FRMD4A: variants seen among roughly 807,000 people sequenced by gnomAD.
FRMD4A encodes FERM domain containing 4A.
A neutral mutation model predicts 129.1 loss-of-function variants in FRMD4A; 29 were observed. That is an observed-to-expected ratio of 0.22 (90% CI 0.17 to 0.31). The LOEUF is 0.31. Among genes scored for constraint, FRMD4A ranks in the 10% least tolerant of loss-of-function variants. The pLI is 1.00. For missense variants in FRMD4A, 1,272 were observed against 1,375.8 expected, an observed-to-expected ratio of 0.92 and a Z score of 1.19; for synonymous variants, 634 against 571.6, an observed-to-expected ratio of 1.11 and a Z score of -1.56.
At chr10:13,717,281 T>G (rs11258549) in intron 12 of FRMD4A, among the ~76,000 whole-genome samples, 1,755 of 152,304 alleles carry the variant, frequency 0.012, 69 homozygotes, top group South Asian at 0.11. Context: ...GGCCAAGGCA[T>G]CTCTTTCCAG....
chr10:14,176,124 G>C (rs893630272), intron 2 of FRMD4A, among the ~76,000 whole-genome samples: 2 of 152,154 alleles, frequency 1.3e-5, no homozygotes, highest in Admixed American at 1.3e-4. Context: ...ATAGTTGTAA[G>C]GCACCTAGTA....
chr10:14,262,244 C>A (rs1029837194), intron 2 of FRMD4A, among the ~76,000 whole-genome samples: 4 of 152,142 alleles, frequency 2.6e-5, no homozygotes, highest in African/African-American at 9.7e-5. Context: ...CTTTCCATTA[C>A]CTACTTAGCC....
At position 14,120,478 on chromosome 10, in the gene FRMD4A, C is replaced by A. The variant is rs148158349; in HGVS notation, c.45+209580G>T. On this transcript the variant is annotated intron_variant, in intron 2 of 24. Transcript: ENST00000357447. The stretch of plus-strand genomic sequence containing the variant: ...TACAGCAGCTGTTAGCAAATGTTTG[C>A]TGAATGAATAAATGAACACATGGAT... Among the ~76,000 whole-genome samples, 123 of 152,276 alleles carry A rather than the reference C, an allele frequency of 8.1e-4. 3 individuals are homozygous for A. In the South Asian group the frequency reaches 0.016, roughly 19 times the overall value.
At position 14,330,085 on chromosome 10, in the gene FRMD4A, C is replaced by G. The variant is rs1843457618; in HGVS notation, c.18G>C (p.Val6=). 1.3e-6 allele frequency: 2 copies of G among 1,553,322 alleles called. No individual in the cohort carries two copies. The highest frequency in any genetic ancestry group is 1.4e-5 in the African/African-American group (1 of 73,144). Residue 6 remains valine, a synonymous_variant, in exon 2 of 25, where the codon GTG becomes GTC. Transcript: ENST00000357447. The part of the protein sequence containing the change: MAVQL[V]PDSALGLLMM... Reference sequence around the variant, plus strand: ...TCAGCAGGCCGAGAGCTGAGTCGGGCACCAGCTGCACTGCCATGGTCTCCG... The same window carrying G: ...TCAGCAGGCCGAGAGCTGAGTCGGGGACCAGCTGCACTGCCATGGTCTCCG...
At chr10:14,270,862 G>C (rs1040055533) in intron 2 of FRMD4A, among the ~76,000 whole-genome samples, 1 of 152,206 alleles carries the variant, frequency 6.6e-6, no homozygotes, top group Non-Finnish European at 1.5e-5. Context: ...CACTTAGATA[G>C]ATGTGAACTA....
chr10:13,886,443 G>T (rs1263666278), intron 2 of FRMD4A, among the ~76,000 whole-genome samples: 1 of 152,178 alleles, frequency 6.6e-6, no homozygotes, highest in African/African-American at 2.4e-5. Flanking sequence ...GGACTTTAAG[G>T]TTGGTAATGC....
At chr10:14,140,956 A>C (rs553906839) in intron 2 of FRMD4A, among the ~76,000 whole-genome samples, 185 of 152,188 alleles carry the variant, frequency 1.2e-3, no homozygotes, top group African/African-American at 4.2e-3. Context: ...CCGGCCAGCA[A>C]TTGTAGAAGG....
chr10:13,991,969 T>G (rs1489695092), intron 2 of FRMD4A: 1 of 152,134 alleles, frequency 6.6e-6, no homozygotes, highest in African/African-American at 2.4e-5. Context: ...TTAGCTTGAG[T>G]TTCCTGGCAG....
chr10:13,779,699 G>A (rs2092688506), intron 6 of FRMD4A, among the ~76,000 whole-genome samples: 1 of 151,908 alleles, frequency 6.6e-6, no homozygotes, highest in Non-Finnish European at 1.5e-5. Context: ...GGAAATCCTA[G>A]GTTTAGTATT....
chr10:14,310,115 C>A (rs1236685549), intron 2 of FRMD4A, among the ~76,000 whole-genome samples: 2 of 152,238 alleles, frequency 1.3e-5, no homozygotes, highest in Admixed American at 1.3e-4. Flanking sequence ...GGATGTGGCC[C>A]TGCCTCCCCA....
chr10:13,765,122 T>G (rs1162582427), intron 6 of FRMD4A, among the ~76,000 whole-genome samples: 3 of 148,982 alleles, frequency 2.0e-5, no homozygotes, highest in African/African-American at 4.9e-5. Flanking sequence ...TTGTTTTTTT[T>G]TTTTTTTTTG....
intron 14 of FRMD4A, among the ~76,000 whole-genome samples, chr10:13,699,880 C>T (rs1372589334): frequency 1.3e-5 from 2 of 152,178 alleles, no homozygotes; most frequent in African/African-American, 2.4e-5. Flanking sequence ...TGCGCTAGGA[C>T]TAGGACCCAT....
intron 9 of FRMD4A, among the ~76,000 whole-genome samples, chr10:13,743,131 G>C (rs536638272): frequency 2.0e-4 from 31 of 152,204 alleles, no homozygotes; most frequent in Non-Finnish European, 3.8e-4. Flanking sequence ...ACTTCTGTGG[G>C]GTCTGGATAT....
intron 2 of FRMD4A, among the ~76,000 whole-genome samples, chr10:14,019,755 A>T (rs544555014): frequency 1.9e-4 from 29 of 152,368 alleles, no homozygotes; most frequent in African/African-American, 6.5e-4. Context: ...GAACGTGCCC[A>T]TGCAATGTCA....
chr10:14,228,570 G>T (rs1224867396), intron 2 of FRMD4A, among the ~76,000 whole-genome samples: 1 of 152,152 alleles, frequency 6.6e-6, no homozygotes, highest in Non-Finnish European at 1.5e-5. Flanking sequence ...AGAAAATCTT[G>T]TTTAGTTAGA....
At chr10:13,928,265 G>A (rs185383633) in intron 2 of FRMD4A, among the ~76,000 whole-genome samples, 18 of 151,874 alleles carry the variant, frequency 1.2e-4, no homozygotes, top group African/African-American at 3.1e-4. Flanking sequence ...CAAGCAATCC[G>A]CTCACCTCGG....
Position 13,956,151 on chromosome 10 carries a change from C to T in FRMD4A, c.46-97239G>A, listed in dbSNP as rs551212280. ...TGATTTAGGTAGAATTCTTTTTTTT[C>T]TTTTTTTCTTTTGTTTTTTTAGACA... On this transcript the variant is annotated intron_variant, in intron 2 of 24. Transcript: ENST00000357447. Among the ~76,000 whole-genome samples the T allele has an allele frequency of 2.4e-4, 36 of 152,030 alleles. No homozygotes were observed. The South Asian group carries it at 7.5e-3, about 32-fold the overall frequency.
rs1842383177 is a variant in FRMD4A at position 14,193,513 on chromosome 10, T to C, written c.45+136545A>G. Among the ~76,000 whole-genome samples, 3 of 142,264 alleles carry C rather than the reference T, an allele frequency of 2.1e-5. No individual in the cohort carries two copies. The Admixed American group carries it at 2.2e-4, about 11-fold the overall frequency. 93.3% of individuals were successfully genotyped at this position (142,264 alleles called of 152,430 possible). A position where few individuals can be genotyped will look rare whatever the true frequency, so the allele number is the denominator to read the frequency against. On this transcript the variant is annotated intron_variant, in intron 2 of 24. Transcript: ENST00000357447. Reference sequence around the variant, plus strand: ...ACACAGAGTGTGCAATGGAAACTTGTAGAGTGAATGTAAAAACAGAGGGAT... The same window carrying C: ...ACACAGAGTGTGCAATGGAAACTTGCAGAGTGAATGTAAAAACAGAGGGAT...
At chr10:13,913,078 A>G (rs539507618) in intron 2 of FRMD4A, among the ~76,000 whole-genome samples, 66 of 152,110 alleles carry the variant, frequency 4.3e-4, no homozygotes, top group African/African-American at 1.6e-3. Context: ...CATTTAAAAA[A>G]AAAAAAAAAA....
Sources: gnomAD v4.1 joint callset for allele counts (sites outside exome capture counted in the v4.1 genomes callset) on GRCh38, gnomAD v4.1.1 for gene constraint, MANE v1.5 for transcripts, NCBI Gene and HGNC (gene_info 2026-07-23, HGNC 2026-07-21) for gene names.